Variants in ZC3H13 observed in about 807,000 individuals in gnomAD.
ZC3H13 encodes zinc finger CCCH-type containing 13.
A neutral mutation model predicts 204.1 loss-of-function variants in ZC3H13; 64 were observed. The ratio of observed to expected loss-of-function variants is 0.31; its 90% CI spans 0.26 to 0.39. The LOEUF (loss-of-function observed/expected upper bound fraction) is 0.39. Ranked by LOEUF, ZC3H13 falls within the 10% of genes least tolerant of loss-of-function variation. The probability of loss-of-function intolerance (pLI) is 1.00; values close to 1 mark genes in which losing one functional copy is unlikely to be tolerated. For missense variants in ZC3H13, 1,833 were observed against 2,082.7 expected, an observed-to-expected ratio of 0.88 and a Z score of 2.33; for synonymous variants, 667 against 693.7, an observed-to-expected ratio of 0.96 and a Z score of 0.60.
At chr13:46,033,244 TG>T (rs1279052439) in intron 4 of ZC3H13, among the ~76,000 whole-genome samples, 1 of 152,130 alleles carries the variant, frequency 6.6e-6, no homozygotes, top group Non-Finnish European at 1.5e-5. Flanking sequence ...AGTATCAATT[TG>T]GTGGTTTAAC....
At position 45,967,988 on chromosome 13, in the gene ZC3H13, A is replaced by G; in HGVS notation, c.3837T>C (p.Ser1279=). The G allele has an allele frequency of 6.2e-7, 1 of 1,610,926 alleles. No individual in the cohort carries two copies. Among genetic ancestry groups the G allele is most frequent in the African/African-American group, 1.3e-5 (1 of 74,824 alleles). Reference sequence around the variant, plus strand: ...AATGGACCTGTCGATCTGACTCTGGAGAACTTCTTCTTGAACTATGGCTTC... The same window carrying G: ...AATGGACCTGTCGATCTGACTCTGGGGAACTTCTTCTTGAACTATGGCTTC... ...DSRSHSSRRS[S]PESDRQVHSR... The change falls in exon 15 of 19, where the codon TCT becomes TCC. Residue 1279 remains serine, a synonymous_variant. Coordinates refer to ENST00000679008, the MANE Select transcript of ZC3H13 (RefSeq NM_001330564.2).
At chr13:46,030,829 T>C (rs2042849557) in intron 4 of ZC3H13, among the ~76,000 whole-genome samples, 1 of 152,198 alleles carries the variant, frequency 6.6e-6, no homozygotes, top group South Asian at 2.1e-4. Flanking sequence ...AGTTATTCCA[T>C]GCTCTTGGAC....
At chr13:46,009,608 AT>A (rs11432565) in intron 7 of ZC3H13, among the ~76,000 whole-genome samples, 103 of 151,804 alleles carry the variant, frequency 6.8e-4, no homozygotes, top group African/African-American at 2.4e-3. Context: ...TTTTTAGTTC[AT>A]TTTTTTTAAG....
At chr13:46,018,407 T>C (rs1183375169) in intron 5 of ZC3H13, among the ~76,000 whole-genome samples, 1 of 151,802 alleles carries the variant, frequency 6.6e-6, no homozygotes, top group African/African-American at 2.4e-5. Context: ...AACAGTAAAA[T>C]AGGGAGGAGA....
intron 6 of ZC3H13, 119 bp downstream of exon 6, chr13:46,011,296 G>T: frequency 1.2e-6 from 1 of 814,270 alleles, no homozygotes; most frequent in Non-Finnish European, 1.8e-6. Flanking sequence ...CATATACAGT[G>T]GGTTGATCAA....
chr13:45,999,207 T>C (rs2040565280), intron 8 of ZC3H13, among the ~76,000 whole-genome samples: 1 of 152,160 alleles, frequency 6.6e-6, no homozygotes, highest in Admixed American at 6.5e-5. Context: ...ATGGCGCCAG[T>C]GCACTTAAGC....
Position 46,043,045 on chromosome 13 carries a change from T to A in ZC3H13, c.228-770A>T, listed in dbSNP as rs113271625. 7.6e-3 allele frequency among the ~76,000 whole-genome samples: 1,157 copies of A among 152,066 alleles called. 16 individuals carry two copies. The highest frequency in any genetic ancestry group is 0.026 in the African/African-American group (1,098 of 41,542). ...TATGGCTATGCAATTATTTTCACTA[T>A]CAGTGGGAAAAAACAAAGGAGAGAT... is the stretch of plus-strand genomic sequence containing the variant. On this transcript the variant is annotated intron_variant, in intron 3 of 18. Transcript: ENST00000679008.
Position 45,969,582 on chromosome 13 carries a change from C to T in ZC3H13, c.2962G>A (p.Asp988Asn), listed in dbSNP as rs1952406531. The T allele has an allele frequency of 3.1e-6, 5 of 1,611,066 alleles. No individual in the cohort carries two copies. In the Admixed American group the frequency reaches 6.7e-5, roughly 22 times the overall value. ...TTTTTTGGTGAAAATACTTGACCAT[C>T]TTCAGATGTTGTCTCTATGTTACCC... is the stretch of plus-strand genomic sequence containing the variant. ...ERGNIETTSE[D>N]GQVFSPKKGQ... is the part of the protein sequence containing the mutation. Residue 988 changes from aspartate to asparagine, a missense_variant, in exon 14 of 19, where the codon GAT becomes AAT. By Grantham distance (23) the Asp-to-Asn change is conservative. This residue lies in a region of ZC3H13 where 1,574 missense variants were observed against 1,757.2 expected (regional missense o/e 0.90). Coordinates refer to ENST00000679008, the MANE Select transcript of ZC3H13 (RefSeq NM_001330564.2).
chr13:46,003,641 GT>G (rs200209938), intron 7 of ZC3H13, among the ~76,000 whole-genome samples: 42 of 150,946 alleles, frequency 2.8e-4, no homozygotes, highest in African/African-American at 5.1e-4. Flanking sequence ...TGTTTAAACT[GT>G]TTTTTTTTAA....
chr13:45,989,154 A>C (rs1199693709), intron 8 of ZC3H13, 57 bp from the exon 9 acceptor site: 34 of 1,509,426 alleles, frequency 2.3e-5, no homozygotes, highest in African/African-American at 4.2e-5. Flanking sequence ...TTTCTAGCCA[A>C]AGGAAAATCT....
At chr13:45,959,375 A>G (rs996521416) in intron 18 of ZC3H13, 108 bp downstream of exon 18, 10 of 1,167,740 alleles carry the variant, frequency 8.6e-6, no homozygotes, top group Non-Finnish European at 1.0e-5. Context: ...AGATTAGGAA[A>G]CCAAACTCAT....
chr13:46,035,572 C>T (rs946114327), intron 4 of ZC3H13, among the ~76,000 whole-genome samples: 1 of 152,328 alleles, frequency 6.6e-6, no homozygotes, highest in East Asian at 1.9e-4. Flanking sequence ...TGTACCTCTA[C>T]TTATACTCTT....
At chr13:46,002,997 A>T (rs902114589) in intron 8 of ZC3H13, 142 bp downstream of exon 8, 3 of 647,982 alleles carry the variant, frequency 4.6e-6, no homozygotes, top group Non-Finnish European at 7.5e-6. Flanking sequence ...AATAATTATT[A>T]TGGGAATTAT....
rs1019716431 is a variant in ZC3H13 at position 45,985,512 on chromosome 13, C to T, written c.1505G>A (p.Arg502His). 4.3e-6 allele frequency: 7 copies of T among 1,614,070 alleles called. No homozygotes were observed. Among genetic ancestry groups the T allele is most frequent in the Non-Finnish European group, 5.9e-6 (7 of 1,180,040 alleles). ...ACGGTCCCTGTAGTCATGGGCATCA[C>T]GAGTGGACCGAGAATCTCTGGGATC... Reference protein sequence around the residue: ...SRDPRDSRSTRDAHDYRDREG... With the variant: ...SRDPRDSRSTHDAHDYRDREG... Residue 502 changes from arginine (R) to histidine (H), a missense_variant, in exon 10 of 19, where the codon CGT (arginine) becomes CAT (histidine). Physicochemically the swap from Arg to His is conservative, Grantham distance 29. This residue lies in a region of ZC3H13 where 1,574 missense variants were observed against 1,757.2 expected (regional missense o/e 0.90). Coordinates refer to ENST00000679008, the MANE Select transcript of ZC3H13 (RefSeq NM_001330564.2).
intron 4 of ZC3H13, among the ~76,000 whole-genome samples, chr13:46,025,399 T>C (rs1023025914): frequency 1.3e-5 from 2 of 152,146 alleles, no homozygotes; most frequent in African/African-American, 4.8e-5. Context: ...CTTGACCTCT[T>C]GGGCTCAAGC....
chr13:46,019,760 T>G (rs563972343), intron 5 of ZC3H13, among the ~76,000 whole-genome samples: 21 of 152,252 alleles, frequency 1.4e-4, no homozygotes, highest in South Asian at 4.1e-4. Flanking sequence ...ATTTCTTTGT[T>G]TTTTTGTAGA....
chr13:46,037,831 T>C (rs1593791260), intron 4 of ZC3H13, among the ~76,000 whole-genome samples: 1 of 152,242 alleles, frequency 6.6e-6, no homozygotes, highest in East Asian at 1.9e-4. Context: ...CCAAAATCAT[T>C]GTCCTCTCAA....
chr13:45,984,147 A>G (rs1953960334), intron 10 of ZC3H13, among the ~76,000 whole-genome samples: 1 of 152,252 alleles, frequency 6.6e-6, no homozygotes, highest in South Asian at 2.1e-4. Context: ...AGATATTTTT[A>G]CTAGTTGAAA....
chr13:46,047,505 T>C (rs1020499524), intron 1 of ZC3H13, among the ~76,000 whole-genome samples: 5 of 152,170 alleles, frequency 3.3e-5, no homozygotes, highest in African/African-American at 1.2e-4. Context: ...AGATAATCTT[T>C]GATTTAATTT....
Sources: gnomAD v4.1 joint callset for allele counts (sites outside exome capture counted in the v4.1 genomes callset) on GRCh38, gnomAD v4.1.1 for gene constraint, gnomAD v4.1.1 regional missense constraint, MANE v1.5 for transcripts, NCBI Gene and HGNC (gene_info 2026-07-23, HGNC 2026-07-21) for gene names.